The following SPRR2G variants were observed in gnomAD, a reference collection of about 807,000 sequenced individuals.
SPRR2G encodes the protein small proline rich protein 2G.
In SPRR2G, 1 loss-of-function variant was observed where a neutral mutation model predicts 0.7. The observed-to-expected ratio is 1.49, with a 90% CI of 0.53 to 7.06. The LOEUF (loss-of-function observed/expected upper bound fraction) is 7.06. SPRR2G is among the 30% of genes most tolerant of loss of function. The pLI is 0.14. For missense variants in SPRR2G, 96 were observed against 88.5 expected (o/e 1.09, Z -0.34); for synonymous variants, 38 against 33.9 (o/e 1.12, Z -0.42).
upstream of SPRR2G, among the ~76,000 whole-genome samples, chr1:153,154,592 T>C (rs1443146536): frequency 6.6e-6 from 1 of 152,156 alleles, no homozygotes; most frequent in Non-Finnish European, 1.5e-5. Flanking sequence ...AGGTTGCATG[T>C]TTCTAGTAAT....
chr1:153,171,039 C>T, the SPRR2G span, among the ~76,000 whole-genome samples: 1 of 152,174 alleles, frequency 6.6e-6, no homozygotes, highest in Non-Finnish European at 1.5e-5. Flanking sequence ...ATGGGAGGGT[C>T]AATCCTCCCT....
chr1:153,152,815 C>G (rs960697174), upstream of SPRR2G, among the ~76,000 whole-genome samples: 2 of 152,118 alleles, frequency 1.3e-5, no homozygotes, highest in African/African-American at 4.8e-5. Context: ...AATTTTAGAC[C>G]TACTTTTCTT....
chr1:153,166,271 G>C, the SPRR2G span, among the ~76,000 whole-genome samples: 813 of 152,244 alleles, frequency 5.3e-3, 12 homozygotes, highest in Middle Eastern at 0.02. Context: ...ACCAAGGAGG[G>C]TTCTGCATTT....
upstream of SPRR2G, among the ~76,000 whole-genome samples, chr1:153,151,535 T>G (rs1656469021): frequency 6.6e-6 from 1 of 152,182 alleles, no homozygotes; most frequent in South Asian, 2.1e-4. Context: ...TGGGGCCCCT[T>G]CTTAAAGCTT....
the SPRR2G span, among the ~76,000 whole-genome samples, chr1:153,160,589 C>A: frequency 1.3e-4 from 19 of 151,398 alleles, no homozygotes; most frequent in African/African-American, 4.1e-4. Context: ...AGTCAGGAAA[C>A]AACAGGTGCT....
chr1:153,179,933 T>C, the SPRR2G span, among the ~76,000 whole-genome samples: 7 of 152,166 alleles, frequency 4.6e-5, no homozygotes, highest in African/African-American at 1.4e-4. Flanking sequence ...TATCTTGCCA[T>C]TGTATCTAGA....
the SPRR2G span, among the ~76,000 whole-genome samples, chr1:153,175,178 C>T: frequency 2.0e-5 from 3 of 152,194 alleles, no homozygotes; most frequent in Non-Finnish European, 4.4e-5. Context: ...ACCATCATCT[C>T]TCACTTGGAC....
the SPRR2G span, among the ~76,000 whole-genome samples, chr1:153,168,010 A>T: frequency 6.6e-6 from 1 of 152,232 alleles, no homozygotes; most frequent in Non-Finnish European, 1.5e-5. Flanking sequence ...AGCAGGAGAA[A>T]TGCCATATTC....
the SPRR2G span, among the ~76,000 whole-genome samples, chr1:153,188,271 C>T: frequency 2.8e-4 from 42 of 152,296 alleles, no homozygotes; most frequent in Admixed American, 1.8e-3. Flanking sequence ...GGCTGGCAGG[C>T]AGGAAATTTT....
the SPRR2G span, among the ~76,000 whole-genome samples, chr1:153,164,434 A>G: frequency 6.6e-6 from 1 of 152,230 alleles, no homozygotes; most frequent in Non-Finnish European, 1.5e-5. Context: ...TCAGAAGCTC[A>G]AAAGAGTAGT....
At chr1:153,193,684 A>G in the SPRR2G span, among the ~76,000 whole-genome samples, 1 of 152,204 alleles carries the variant, frequency 6.6e-6, no homozygotes, top group Non-Finnish European at 1.5e-5. Flanking sequence ...TCCTTATAGA[A>G]GAACTGTTTC....
chr1:153,154,569 A>G (rs925809490), upstream of SPRR2G, among the ~76,000 whole-genome samples: 1 of 151,878 alleles, frequency 6.6e-6, no homozygotes, highest in Non-Finnish European at 1.5e-5. Flanking sequence ...TTTCTTCATG[A>G]TTCAGTCTCA....
the SPRR2G span, among the ~76,000 whole-genome samples, chr1:153,172,236 A>G: frequency 6.6e-6 from 1 of 152,178 alleles, no homozygotes; most frequent in Non-Finnish European, 1.5e-5. Context: ...TGCTCAGAAG[A>G]CCAGGTCTAC....
At chr1:153,161,532 A>G in the SPRR2G span, among the ~76,000 whole-genome samples, 5 of 151,934 alleles carry the variant, frequency 3.3e-5, no homozygotes, top group Non-Finnish European at 4.4e-5. Flanking sequence ...ATGACTTTTC[A>G]CTCTGTTGAT....
chr1:153,163,957 AC>A, the SPRR2G span, among the ~76,000 whole-genome samples: 1 of 152,144 alleles, frequency 6.6e-6, no homozygotes, highest in Non-Finnish European at 1.5e-5. Flanking sequence ...CATCTAAAAT[AC>A]CCTCATATTT....
At chr1:153,170,018 A>G in the SPRR2G span, among the ~76,000 whole-genome samples, 10,188 of 152,306 alleles carry the variant, frequency 0.067, 556 homozygotes, top group Middle Eastern at 0.16. Flanking sequence ...ATTAACTAAT[A>G]TAACTAATTA....
the SPRR2G span, among the ~76,000 whole-genome samples, chr1:153,194,011 G>A: frequency 6.6e-5 from 10 of 152,042 alleles, no homozygotes; most frequent in Admixed American, 5.2e-4. Flanking sequence ...GATTCTCTTC[G>A]ACCTGAGCTG....
At chr1:153,184,664 C>G in the SPRR2G span, among the ~76,000 whole-genome samples, 1 of 152,186 alleles carries the variant, frequency 6.6e-6, no homozygotes, top group African/African-American at 2.4e-5. Context: ...GACAACTTGA[C>G]TTCCCCTCTT....
the SPRR2G span, among the ~76,000 whole-genome samples, chr1:153,168,349 T>G: frequency 6.6e-6 from 1 of 152,322 alleles, no homozygotes; most frequent in African/African-American, 2.4e-5. Flanking sequence ...TTACATCACA[T>G]AGAAGTATAT....
Sources: allele counts gnomAD v4.1 joint callset (sites outside exome capture counted in the v4.1 genomes callset), GRCh38; gene constraint gnomAD v4.1.1; transcripts MANE v1.5; gene names NCBI Gene and HGNC (gene_info 2026-07-23, HGNC 2026-07-21).